ATRX: variants seen among roughly 807,000 people sequenced by gnomAD.
ATRX encodes the protein chromatin remodeler ATRX.
ATRX carries 12 observed loss-of-function variants against 172.6 expected under a neutral mutation model. The ratio of observed to expected loss-of-function variants is 0.07; its 90% CI spans 0.04 to 0.11. ATRX has a LOEUF of 0.11. Ranked by LOEUF, ATRX falls within the 10% of genes least tolerant of loss-of-function variation. The pLI is 1.00. For missense variants in ATRX, 1,368 were observed against 1,767.4 expected, an observed-to-expected ratio of 0.77 and a Z score of 4.05; for synonymous variants, 674 against 594.7, an observed-to-expected ratio of 1.13 and a Z score of -1.94.
At chrX:77,765,445 G>A (rs2075874479) in intron 1 of ATRX, among the ~76,000 whole-genome samples, 1 of 111,635 alleles carries the variant, frequency 9.0e-6, no homozygotes, top group South Asian at 3.7e-4. Flanking sequence ...ATCCTTTACT[G>A]TATTTTCTCG....
At chrX:77,771,840 AACTCAGGGTAGGGGTGTT>A (rs2076161820) in intron 1 of ATRX, among the ~76,000 whole-genome samples, 1 of 111,372 alleles carries the variant, frequency 9.0e-6, no homozygotes, top group African/African-American at 3.3e-5. Flanking sequence ...TGCTTGTCAC[AACTCAGGGTAGGGGTGTT>A]ACTGGTATCT....
At position 77,697,469 on chromosome X, in the gene ATRX, A is replaced by T. The variant is rs2072247726; in HGVS notation, c.242+114T>A. 5 of 684,935 alleles carry T rather than the reference A, an allele frequency of 7.3e-6. No individual in the cohort carries two copies. The South Asian group carries it at 1.2e-4, about 17-fold the overall frequency. The allele number at this position is 684,935 out of a possible 1,213,427, so 56.4% of individuals were successfully genotyped here. The stretch of plus-strand genomic sequence containing the variant: ...CATTTTCAAATATGTATATTTGTAT[A>T]GAATAGTTAACTCAGAATAGTGGTT... On this transcript the variant is annotated intron_variant, in intron 4 of 34. Transcript: ENST00000373344.
chrX:77,568,278 TCAGAAGTGAAA>T (rs1289525118), intron 28 of ATRX, among the ~76,000 whole-genome samples: 11 of 110,962 alleles, frequency 9.9e-5, no homozygotes, highest in Non-Finnish European at 2.1e-4. Context: ...ATTACCAGTA[TCAGAAGTGAAA>T]CAGAAGCTAT....
rs1398783862 is a variant in ATRX, at chrX:77,683,246, A to G, written c.2010T>C (p.Thr670=). The change falls in exon 9 of 35, where the codon ACT becomes ACC. Residue 670 remains threonine, a synonymous_variant. Coordinates refer to ENST00000373344, the MANE Select transcript of ATRX (RefSeq NM_000489.6). The part of the protein sequence containing the change: ...KTTPLRRPTE[T]NPVTSNSDEE... ...CATCTGAATTAGATGTTACAGGGTT[A>G]GTTTCTGTCGGTCGCCTCAAGGGTG... 4.1e-6 allele frequency: 5 copies of G among 1,209,276 alleles called. No homozygotes were observed. The highest frequency in any genetic ancestry group is 5.6e-6 in the Non-Finnish European group (5 of 894,871).
intron 15 of ATRX, among the ~76,000 whole-genome samples, chrX:77,636,962 GGAAGAAAAAA>G (rs1222526414): frequency 7.6e-5 from 7 of 92,003 alleles, no homozygotes; most frequent in African/African-American, 3.0e-4. Flanking sequence ...GGAAGGAGGA[GGAAGAAAAAA>G]GAAGAAGGAA....
At chrX:77,756,729 C>T (rs2075513515) in intron 1 of ATRX, among the ~76,000 whole-genome samples, 1 of 110,353 alleles carries the variant, frequency 9.1e-6, no homozygotes, top group South Asian at 3.9e-4. Flanking sequence ...AGAAATCCCC[C>T]GCCTTCTACA....
At chrX:77,687,881 T>C (rs186010925) in intron 7 of ATRX, among the ~76,000 whole-genome samples, 334 of 111,944 alleles carry the variant, frequency 3.0e-3, no homozygotes, top group Non-Finnish European at 5.2e-3. Flanking sequence ...CAAACTAACA[T>C]AGGATTAATC....
At chrX:77,527,671 A>G (rs1364920495) in intron 30 of ATRX, among the ~76,000 whole-genome samples, 1 of 111,555 alleles carries the variant, frequency 9.0e-6, no homozygotes, top group East Asian at 2.8e-4. Flanking sequence ...AGGGGTCTGA[A>G]TACAGGGAGC....
At chrX:77,671,167 A>AAAAAAATATATAT (rs1424480831) in intron 10 of ATRX, among the ~76,000 whole-genome samples, 4 of 15,733 alleles carry the variant, frequency 2.5e-4, no homozygotes, top group African/African-American at 2.1e-4. Flanking sequence ...AAAAAAAAAA[A>AAAAAAATATATAT]ATATATATAT....
intron 22 of ATRX, among the ~76,000 whole-genome samples, chrX:77,602,811 T>G (rs782177966): frequency 1.8e-5 from 2 of 111,100 alleles, no homozygotes; most frequent in Non-Finnish European, 3.8e-5. Flanking sequence ...TAAATGCCTA[T>G]GTCAAAAAAA....
intron 22 of ATRX, among the ~76,000 whole-genome samples, chrX:77,609,196 A>G (rs1557092631): frequency 9.0e-6 from 1 of 111,571 alleles, no homozygotes; most frequent in Non-Finnish European, 1.9e-5. Context: ...AAAAGCAAAA[A>G]TAGAGCTACC....
chrX:77,522,323 T>C lies in ATRX; in HGVS notation c.6915A>G (p.Gln2305=). 1 of 1,210,475 alleles carries C rather than the reference T, an allele frequency of 8.3e-7. No individual in the cohort carries two copies. Among genetic ancestry groups the C allele is most frequent in the Non-Finnish European group, 1.1e-6 (1 of 894,524 alleles). ...CCAAATTGAAAGGAATATAAGGAGT[T>C]TGAGAGTTGAAACTGACAGGGGGTA... ...TNLPPVSFNS[Q]TPYIPFNLGA... is the part of the protein sequence containing the mutation. The change falls in exon 32 of 35, where the codon CAA becomes CAG. Residue 2305 remains glutamine, a synonymous_variant. Coordinates refer to ENST00000373344, the MANE Select transcript of ATRX (RefSeq NM_000489.6).
intron 1 of ATRX, among the ~76,000 whole-genome samples, chrX:77,761,632 CAT>C (rs1557192807): frequency 9.0e-6 from 1 of 111,693 alleles, no homozygotes; most frequent in African/African-American, 3.3e-5. Context: ...CCCATCTCCA[CAT>C]ATAGTTATCT....
intron 9 of ATRX, among the ~76,000 whole-genome samples, chrX:77,677,422 C>T (rs2070936788): frequency 9.0e-6 from 1 of 111,635 alleles, no homozygotes; most frequent in South Asian, 3.7e-4. Flanking sequence ...GTAAGGACAG[C>T]AGTATCACAA....
intron 14 of ATRX, among the ~76,000 whole-genome samples, chrX:77,653,130 A>C (rs2069358750): frequency 8.9e-6 from 1 of 111,952 alleles, no homozygotes; most frequent in African/African-American, 3.2e-5. Flanking sequence ...GATACCAGAG[A>C]AAAACAGTGT....
intron 15 of ATRX, among the ~76,000 whole-genome samples, chrX:77,638,015 TGAA>T (rs1288832498): frequency 1.8e-5 from 2 of 108,204 alleles, no homozygotes; most frequent in African/African-American, 6.7e-5. Flanking sequence ...ATTACAATGG[TGAA>T]GAAATAAAAT....
At chrX:77,596,801 C>G (rs1455137819) in intron 25 of ATRX, 2 of 110,848 alleles carry the variant, frequency 1.8e-5, no homozygotes, top group Non-Finnish European at 3.8e-5. Context: ...TAATTGTATT[C>G]CCAAGTGACA....
chrX:77,543,578 A>G (rs782088399), intron 30 of ATRX, among the ~76,000 whole-genome samples: 2 of 112,198 alleles, frequency 1.8e-5, no homozygotes, highest in South Asian at 3.7e-4. Context: ...TCAATGACAG[A>G]CTGAATAAAG....
chrX:77,536,617 T>C (rs1427139530), intron 30 of ATRX, among the ~76,000 whole-genome samples: 1 of 111,902 alleles, frequency 8.9e-6, no homozygotes, highest in Non-Finnish European at 1.9e-5. Flanking sequence ...TCCAACATAT[T>C]ATGTTCTTCT....
Sources: gnomAD v4.1 joint callset for allele counts (sites outside exome capture counted in the v4.1 genomes callset) on GRCh38, gnomAD v4.1.1 for gene constraint, MANE v1.5 for transcripts, NCBI Gene and HGNC (gene_info 2026-07-23, HGNC 2026-07-21) for gene names.